The following OPCML variants were observed in gnomAD, a reference collection of about 807,000 sequenced individuals.
OPCML encodes the protein opioid-binding protein/cell adhesion molecule.
In OPCML, 13 loss-of-function variants were observed where a neutral mutation model predicts 37.8. The observed-to-expected ratio is 0.34, with a 90% CI of 0.22 to 0.55. The LOEUF (loss-of-function observed/expected upper bound fraction) is 0.55, where lower values mean the gene tolerates loss of function less well. Among genes scored for constraint, OPCML ranks in the 20% least tolerant of loss-of-function variants. The pLI, the probability that OPCML is intolerant of heterozygous loss-of-function variation, is 0.91. For missense variants in OPCML, 341 were observed against 435.6 expected (o/e 0.78, Z 1.93); for synonymous variants, 176 against 168.8 (o/e 1.04, Z -0.33).
intron 1 of OPCML, among the ~76,000 whole-genome samples, chr11:133,080,753 G>T (rs1371671204): frequency 6.6e-6 from 1 of 152,144 alleles, no homozygotes; most frequent in Non-Finnish European, 1.5e-5. Context: ...CGCTATGAAG[G>T]AGCTCAATGG....
chr11:133,163,477 G>C (rs1395709179), intron 1 of OPCML, among the ~76,000 whole-genome samples: 1 of 152,194 alleles, frequency 6.6e-6, no homozygotes, highest in Non-Finnish European at 1.5e-5. Context: ...ACAGGAAGGG[G>C]CATGTTCATA....
intron 2 of OPCML, chr11:132,772,158 T>G (rs1946661493): frequency 6.6e-6 from 1 of 152,172 alleles, no homozygotes; most frequent in South Asian, 2.1e-4. Context: ...CAATAACTCA[T>G]CTTTTCTGCC....
intron 2 of OPCML, among the ~76,000 whole-genome samples, chr11:132,896,547 T>C (rs1591769405): frequency 1.3e-5 from 2 of 152,344 alleles, no homozygotes; most frequent in Admixed American, 6.5e-5. Context: ...TCCATTTGTG[T>C]TCATAAGGCC....
chr11:133,241,209 A>G (rs1389400004), intron 1 of OPCML, among the ~76,000 whole-genome samples: 1 of 152,194 alleles, frequency 6.6e-6, no homozygotes, highest in Non-Finnish European at 1.5e-5. Flanking sequence ...GTAACATCCA[A>G]TGCTTCCTCC....
chr11:132,565,899 G>C (rs1184886180), intron 3 of OPCML, among the ~76,000 whole-genome samples: 1 of 152,192 alleles, frequency 6.6e-6, no homozygotes, highest in Non-Finnish European at 1.5e-5. Context: ...CAAGCATGGT[G>C]GCGGGCGCCT....
intron 2 of OPCML, among the ~76,000 whole-genome samples, chr11:132,666,955 C>T (rs1022297460): frequency 6.6e-6 from 1 of 152,144 alleles, no homozygotes; most frequent in Non-Finnish European, 1.5e-5. Context: ...GTGAAGGGAC[C>T]ATTGCATCCC....
chr11:133,350,330 A>G (rs1023775459), intron 1 of OPCML, among the ~76,000 whole-genome samples: 23 of 152,200 alleles, frequency 1.5e-4, no homozygotes, highest in Admixed American at 1.5e-3. Context: ...AGTGGGGAAA[A>G]AATGATGGTT....
At chr11:132,715,641 G>A (rs1288940557) in intron 2 of OPCML, among the ~76,000 whole-genome samples, 1 of 152,170 alleles carries the variant, frequency 6.6e-6, no homozygotes, top group Admixed American at 6.5e-5. Context: ...GCCATGTGAG[G>A]TTACAATGAG....
chr11:133,521,938 C>A (rs1948405760), intron 1 of OPCML, among the ~76,000 whole-genome samples: 1 of 152,174 alleles, frequency 6.6e-6, no homozygotes, highest in African/African-American at 2.4e-5. Context: ...ACCATCTGAC[C>A]ATATCTGGCA....
chr11:132,691,436 G>A (rs75442564), intron 2 of OPCML, among the ~76,000 whole-genome samples: 8 of 152,178 alleles, frequency 5.3e-5, no homozygotes, highest in African/African-American at 1.9e-4. Flanking sequence ...TTGCAATTGT[G>A]TCAACTTCTG....
At chr11:132,781,619 CCCT>C (rs1278388263) in intron 2 of OPCML, among the ~76,000 whole-genome samples, 2 of 141,640 alleles carry the variant, frequency 1.4e-5, no homozygotes, top group Non-Finnish European at 3.3e-5. Context: ...CACACACACA[CCCT>C]ATTTTTTTTT....
intron 1 of OPCML, among the ~76,000 whole-genome samples, chr11:133,186,931 G>A (rs1938107814): frequency 6.6e-6 from 1 of 152,146 alleles, no homozygotes; most frequent in African/African-American, 2.4e-5. Flanking sequence ...GGAACAGGGT[G>A]AGTCTGGTTG....
intron 1 of OPCML, among the ~76,000 whole-genome samples, chr11:133,317,465 A>C (rs557674353): frequency 1.3e-5 from 2 of 152,318 alleles, no homozygotes; most frequent in South Asian, 4.1e-4. Context: ...GCAAACTTAC[A>C]AGTTAACTTT....
chr11:132,532,987 T>A (rs1490263405), intron 3 of OPCML, among the ~76,000 whole-genome samples: 3 of 152,234 alleles, frequency 2.0e-5, no homozygotes, highest in Admixed American at 6.5e-5. Flanking sequence ...GATCTTTGTT[T>A]AATTTTTAGA....
chr11:133,358,506 AT>A (rs1226382047), intron 1 of OPCML, among the ~76,000 whole-genome samples: 5 of 152,336 alleles, frequency 3.3e-5, no homozygotes, highest in African/African-American at 1.2e-4. Flanking sequence ...TTCAACAAAT[AT>A]CTATTGAGCC....
At chr11:133,040,677 C>G (rs1207373989) in intron 1 of OPCML, among the ~76,000 whole-genome samples, 1 of 151,990 alleles carries the variant, frequency 6.6e-6, no homozygotes, top group Non-Finnish European at 1.5e-5. Context: ...TGAGTACCTG[C>G]TACAGGAGAG....
At chr11:132,837,278 A>C (rs957153199) in intron 2 of OPCML, among the ~76,000 whole-genome samples, 2 of 152,120 alleles carry the variant, frequency 1.3e-5, no homozygotes, top group African/African-American at 4.8e-5. Context: ...GCGCCATTGC[A>C]CTCCAGCCTG....
rs2095934165 is a variant in OPCML, at chr11:132,415,122, A to C, written c.*5071T>G. The stretch of plus-strand genomic sequence containing the variant: ...TCACCCTTGATACAATTATTGACAG[A>C]AATCAAGTCTTCATTGATTTTTTGA... On this transcript the variant is annotated 3_prime_UTR_variant, in exon 8 of 8. Coordinates refer to ENST00000524381, the MANE Select transcript of OPCML (RefSeq NM_001012393.5). 6.6e-6 allele frequency: 1 copy of C among 152,648 alleles called. No homozygotes were observed. Among genetic ancestry groups the C allele is most frequent in the Non-Finnish European group, 1.5e-5 (1 of 68,040 alleles). 9.5% of individuals were successfully genotyped at this position (152,648 alleles called of 1,614,324 possible).
At chr11:132,896,148 T>C (rs576039153) in intron 2 of OPCML, among the ~76,000 whole-genome samples, 15 of 152,296 alleles carry the variant, frequency 9.8e-5, no homozygotes, top group East Asian at 5.8e-4. Flanking sequence ...GTGAGTGAGC[T>C]GGAGATGCCT....
Sources: allele counts gnomAD v4.1 joint callset (sites outside exome capture counted in the v4.1 genomes callset), GRCh38; gene constraint gnomAD v4.1.1; transcripts MANE v1.5; gene names NCBI Gene and HGNC (gene_info 2026-07-23, HGNC 2026-07-21).